Variants in PTPRT observed in about 807,000 individuals in gnomAD.
The protein encoded by PTPRT is protein tyrosine phosphatase receptor type T.
A neutral mutation model predicts 176.8 loss-of-function variants in PTPRT; 56 were observed. That is an observed-to-expected ratio of 0.32 (90% CI 0.26 to 0.40). PTPRT has a LOEUF of 0.40. PTPRT is among the 10% of genes least tolerant of loss of function. The pLI is 1.00. For synonymous variants in PTPRT, 783 were observed against 739.0 expected (o/e 1.06, Z -0.96); for missense variants, 1,540 against 1,908.2 (o/e 0.81, Z 3.60).
At chr20:42,894,378 G>C (rs2079255318) in intron 1 of PTPRT, among the ~76,000 whole-genome samples, 1 of 152,140 alleles carries the variant, frequency 6.6e-6, no homozygotes, top group African/African-American at 2.4e-5. Context: ...CTAGATCTGA[G>C]AGATAGTCAA....
chr20:42,741,784 G>C (rs6030454), intron 6 of PTPRT, among the ~76,000 whole-genome samples: 1 of 152,066 alleles, frequency 6.6e-6, no homozygotes, highest in African/African-American at 2.4e-5. Flanking sequence ...GTAAAGGTAA[G>C]GGCCATAGGC....
chr20:42,789,950 C>T (rs1312548867), intron 3 of PTPRT, among the ~76,000 whole-genome samples: 1 of 152,096 alleles, frequency 6.6e-6, no homozygotes, highest in African/African-American at 2.4e-5. Flanking sequence ...GTCTAAGAAG[C>T]CCCCAGCCAC....
chr20:42,669,000 A>G (rs2075368896), intron 7 of PTPRT, among the ~76,000 whole-genome samples: 1 of 150,200 alleles, frequency 6.7e-6, no homozygotes, highest in Non-Finnish European at 1.5e-5. Flanking sequence ...GTGAGTCACC[A>G]CGCCGTGCCC....
At chr20:42,700,053 C>G (rs909230083) in intron 6 of PTPRT, among the ~76,000 whole-genome samples, 1 of 152,152 alleles carries the variant, frequency 6.6e-6, no homozygotes. Context: ...TCTTCTCTAC[C>G]AGCTTGGCCA....
chr20:42,581,066 C>A (rs981698858), intron 7 of PTPRT, among the ~76,000 whole-genome samples: 1 of 152,116 alleles, frequency 6.6e-6, no homozygotes, highest in South Asian at 2.1e-4. Flanking sequence ...CTCTAGGCCC[C>A]CTAGCTTCCT....
chr20:43,076,947 C>T (rs2011294987), intron 1 of PTPRT, among the ~76,000 whole-genome samples: 1 of 152,174 alleles, frequency 6.6e-6, no homozygotes, highest in African/African-American at 2.4e-5. Context: ...TCCTGCCTCC[C>T]AAGTGTCTCC....
chr20:42,443,624 G>A (rs893607634), intron 9 of PTPRT, among the ~76,000 whole-genome samples: 2 of 152,202 alleles, frequency 1.3e-5, no homozygotes, highest in South Asian at 4.1e-4. Context: ...GGCAGAGAGA[G>A]AGTTTGAGGC....
chr20:42,967,950 G>A (rs1401120476), intron 1 of PTPRT, among the ~76,000 whole-genome samples: 1 of 152,090 alleles, frequency 6.6e-6, no homozygotes, highest in East Asian at 1.9e-4. Context: ...CGCGGTCTGT[G>A]CTTGTGAATT....
intron 6 of PTPRT, among the ~76,000 whole-genome samples, chr20:42,683,270 T>TG (rs2075634364): frequency 1.3e-5 from 2 of 148,282 alleles, no homozygotes; most frequent in Non-Finnish European, 2.9e-5. Flanking sequence ...TTTACTTGTT[T>TG]TTTTTGTTTT....
At chr20:42,210,058 T>C (rs1255163922) in intron 15 of PTPRT, among the ~76,000 whole-genome samples, 1 of 152,170 alleles carries the variant, frequency 6.6e-6, no homozygotes, top group African/African-American at 2.4e-5. Context: ...ACATGATTAT[T>C]TCAATAGATG....
intron 1 of PTPRT, among the ~76,000 whole-genome samples, chr20:43,030,131 T>G (rs1161402381): frequency 6.6e-6 from 1 of 152,228 alleles, no homozygotes; most frequent in African/African-American, 2.4e-5. Flanking sequence ...AAGCACCTAC[T>G]AAAAATTGAG....
chr20:43,120,711 T>A (rs952865316), intron 1 of PTPRT, among the ~76,000 whole-genome samples: 3 of 152,148 alleles, frequency 2.0e-5, no homozygotes, highest in Non-Finnish European at 4.4e-5. Flanking sequence ...GCAACAGGGG[T>A]CAAGTCTACA....
chr20:42,364,875 T>C (rs565315185), intron 9 of PTPRT, among the ~76,000 whole-genome samples: 3 of 152,280 alleles, frequency 2.0e-5, no homozygotes, highest in Admixed American at 6.5e-5. Flanking sequence ...CCACAGTAAC[T>C]GGTTCTACTC....
intron 7 of PTPRT, among the ~76,000 whole-genome samples, chr20:42,482,617 T>C (rs999041553): frequency 2.6e-5 from 4 of 152,088 alleles, no homozygotes; most frequent in Non-Finnish European, 5.9e-5. Flanking sequence ...CAGAAAAGTA[T>C]GTAACACATC....
chr20:42,711,707 C>T (rs2095174729), intron 6 of PTPRT, among the ~76,000 whole-genome samples: 1 of 151,930 alleles, frequency 6.6e-6, no homozygotes, highest in Admixed American at 6.6e-5. Flanking sequence ...GAGTAGAGCC[C>T]TATCCAAATG....
At chr20:42,322,668 C>T (rs2057817596) in intron 11 of PTPRT, among the ~76,000 whole-genome samples, 2 of 151,710 alleles carry the variant, frequency 1.3e-5, no homozygotes, top group African/African-American at 2.4e-5. Context: ...TAGAAGAAAA[C>T]CTAGGCATTA....
intron 2 of PTPRT, among the ~76,000 whole-genome samples, chr20:42,883,708 C>CCCCCCCACACA (rs1568658140): frequency 7.8e-6 from 1 of 128,642 alleles, no homozygotes; most frequent in African/African-American, 2.9e-5. Context: ...CCATACACCC[C>CCCCCCCACACA]CATACACACA....
chr20:42,724,305 C>T (rs1438932446), intron 6 of PTPRT, among the ~76,000 whole-genome samples: 3 of 152,174 alleles, frequency 2.0e-5, no homozygotes, highest in Admixed American at 6.5e-5. Flanking sequence ...TCCCCTAATT[C>T]AGTCTCTGTC....
chr20:43,027,411 G>T (rs549892083), intron 1 of PTPRT, among the ~76,000 whole-genome samples: 1 of 151,494 alleles, frequency 6.6e-6, no homozygotes, highest in East Asian at 2.0e-4. Flanking sequence ...AGGAGGTGGA[G>T]GTTGCAGTGA....
Sources: gnomAD v4.1 joint callset for allele counts (sites outside exome capture counted in the v4.1 genomes callset) on GRCh38, gnomAD v4.1.1 for gene constraint, MANE v1.5 for transcripts, NCBI Gene and HGNC (gene_info 2026-07-23, HGNC 2026-07-21) for gene names.